PLD5: variants seen among roughly 807,000 people sequenced by gnomAD.
PLD5 encodes the protein phospholipase D family member 5, also known as inactive phospholipase D5.
A neutral mutation model predicts 61.1 loss-of-function variants in PLD5; 36 were observed. The ratio of observed to expected loss-of-function variants is 0.59; its 90% CI spans 0.45 to 0.78. PLD5 has a LOEUF of 0.78. PLD5 is among the 30% of genes least tolerant of loss of function. The pLI is 0.00. For missense variants in PLD5, 515 were observed against 644.4 expected (o/e 0.80, Z 2.17); for synonymous variants, 243 against 242.8 (o/e 1.00, Z -0.01).
intron 5 of PLD5, among the ~76,000 whole-genome samples, chr1:242,164,292 A>G (rs1367817654): frequency 6.6e-6 from 1 of 152,096 alleles, no homozygotes; most frequent in Admixed American, 6.5e-5. Flanking sequence ...AATGTGGGGG[A>G]AGTGACTGTT....
intron 1 of PLD5, among the ~76,000 whole-genome samples, chr1:242,469,602 C>T (rs1667377771): frequency 2.0e-5 from 3 of 152,126 alleles, no homozygotes; most frequent in Admixed American, 2.0e-4. Context: ...CCTTGAACTC[C>T]TAGACTCAAG....
intron 1 of PLD5, among the ~76,000 whole-genome samples, chr1:242,477,282 G>C (rs3964039): frequency 0.39 from 59,214 of 151,776 alleles, 12,385 homozygotes; most frequent in African/African-American, 0.54. Flanking sequence ...AAGGGCCAAA[G>C]AGTGAAGGGA....
chr1:242,216,784 A>T (rs975313942), intron 5 of PLD5, among the ~76,000 whole-genome samples: 1 of 152,056 alleles, frequency 6.6e-6, no homozygotes, highest in African/African-American at 2.4e-5. Flanking sequence ...TGTGGGTCAG[A>T]CCCCCACACA....
chr1:242,412,137 TA>T (rs1366661641), intron 1 of PLD5, among the ~76,000 whole-genome samples: 1 of 152,182 alleles, frequency 6.6e-6, no homozygotes, highest in East Asian at 1.9e-4. Context: ...CTTGGGAAGA[TA>T]AGCTAGTAAT....
At chr1:242,103,263 G>A (rs77419344) in intron 8 of PLD5, among the ~76,000 whole-genome samples, 5,708 of 152,146 alleles carry the variant, frequency 0.038, 349 homozygotes, top group African/African-American at 0.13. Flanking sequence ...CTTCCCCAGC[G>A]CACACCTGCA....
At chr1:242,483,325 A>G (rs1196453388) in intron 1 of PLD5, among the ~76,000 whole-genome samples, 1 of 152,234 alleles carries the variant, frequency 6.6e-6, no homozygotes, top group Non-Finnish European at 1.5e-5. Flanking sequence ...TCTCACATGC[A>G]GAGACACACA....
intron 9 of PLD5, among the ~76,000 whole-genome samples, chr1:242,091,974 C>T (rs1659868770): frequency 6.6e-6 from 1 of 151,674 alleles, no homozygotes; most frequent in Non-Finnish European, 1.5e-5. Flanking sequence ...TTACAGGAGC[C>T]CACCACAATG....
At chr1:242,196,551 TAC>T (rs1668648617) in intron 5 of PLD5, among the ~76,000 whole-genome samples, 1 of 152,160 alleles carries the variant, frequency 6.6e-6, no homozygotes, top group Non-Finnish European at 1.5e-5. Flanking sequence ...AAAATGTATA[TAC>T]ACACATATAT....
rs1195467951 is a variant in PLD5 at position 242,394,969 on chromosome 1, T to TTATATATGAA, written c.190-46737_190-46728dup. ...TATGATTATATATGAATATATATGA[T>TTATATATGAA]TATATATGAATATATATGAATATAT... is the stretch of plus-strand genomic sequence containing the variant. On this transcript the variant is annotated intron_variant, in intron 1 of 9. Transcript: ENST00000536534. Among the ~76,000 whole-genome samples the TTATATATGAA allele has an allele frequency of 8.3e-5, 5 of 60,446 alleles. 1 individual carries two copies. Among genetic ancestry groups the TTATATATGAA allele is most frequent in the Non-Finnish European group, 1.5e-4 (5 of 32,382 alleles). 39.7% of individuals were successfully genotyped at this position (60,446 alleles called of 152,430 possible). A position where few individuals can be genotyped will look rare whatever the true frequency, so the allele number is the denominator to read the frequency against.
At chr1:242,283,490 G>A (rs1321832720) in intron 3 of PLD5, among the ~76,000 whole-genome samples, 1 of 152,032 alleles carries the variant, frequency 6.6e-6, no homozygotes, top group Admixed American at 6.6e-5. Context: ...GACTTTTCTG[G>A]CTCTGTTGGT....
chr1:242,375,151 C>G (rs1661871973), intron 1 of PLD5, among the ~76,000 whole-genome samples: 1 of 152,208 alleles, frequency 6.6e-6, no homozygotes. Flanking sequence ...CAAGCACGTC[C>G]TAGCCTCTCC....
chr1:242,299,196 T>C (rs189445093), intron 2 of PLD5, among the ~76,000 whole-genome samples: 1 of 152,320 alleles, frequency 6.6e-6, no homozygotes, highest in Non-Finnish European at 1.5e-5. Context: ...ATGAGATGTA[T>C]TGATACAGGC....
chr1:242,167,078 G>T (rs2636245), intron 5 of PLD5, among the ~76,000 whole-genome samples: 1 of 58,664 alleles, frequency 1.7e-5, no homozygotes, highest in Non-Finnish European at 3.2e-5. Flanking sequence ...AATAATAATA[G>T]TAATAATAAT....
intron 1 of PLD5, among the ~76,000 whole-genome samples, chr1:242,355,945 C>T (rs1660729214): frequency 6.6e-6 from 1 of 150,824 alleles, no homozygotes; most frequent in Non-Finnish European, 1.5e-5. Context: ...GAAAAAAATA[C>T]CAGATATGAT....
At chr1:242,431,498 G>A (rs755569171) in intron 1 of PLD5, among the ~76,000 whole-genome samples, 1 of 152,168 alleles carries the variant, frequency 6.6e-6, no homozygotes, top group Non-Finnish European at 1.5e-5. Flanking sequence ...CCTCTCAAAC[G>A]ATAAAATATG....
At chr1:242,252,202 C>T (rs113697325) in intron 4 of PLD5, among the ~76,000 whole-genome samples, 1,579 of 152,260 alleles carry the variant, frequency 0.01, 25 homozygotes, top group African/African-American at 0.036. Context: ...AAATAATAGG[C>T]CATGGCCAAG....
intron 7 of PLD5, 124 bp from the exon 8 acceptor site, chr1:242,107,963 A>T (rs1661193909): frequency 1.1e-6 from 1 of 901,058 alleles, no homozygotes; most frequent in East Asian, 2.9e-5. Flanking sequence ...TATATAAGCA[A>T]CCTCATCGGA....
chr1:242,237,026 G>A (rs1449645578), intron 4 of PLD5, among the ~76,000 whole-genome samples: 1 of 152,198 alleles, frequency 6.6e-6, no homozygotes, highest in African/African-American at 2.4e-5. Context: ...GACAAGCAAT[G>A]TGTCAGTGAC....
chr1:242,288,333 T>C, intron 3 of PLD5, 29 bp downstream of exon 3: 1 of 1,589,402 alleles, frequency 6.3e-7, no homozygotes, highest in Non-Finnish European at 8.5e-7. Flanking sequence ...ATAAGTAAAA[T>C]CATCACACAC....
Sources: gnomAD v4.1 joint callset for allele counts (sites outside exome capture counted in the v4.1 genomes callset) on GRCh38, gnomAD v4.1.1 for gene constraint, MANE v1.5 for transcripts, NCBI Gene and HGNC (gene_info 2026-07-23, HGNC 2026-07-21) for gene names.